The following PACRG variants were observed in gnomAD, a reference collection of about 807,000 sequenced individuals.
The protein encoded by PACRG is parkin coregulated, also known as parkin coregulated gene protein.
A neutral mutation model predicts 29.7 loss-of-function variants in PACRG; 29 were observed. The ratio of observed to expected loss-of-function variants is 0.98; its 90% CI spans 0.73 to 1.33. The LOEUF is 1.33. Ranked by LOEUF, PACRG falls within the 40% of genes most tolerant of loss-of-function variation. The pLI is 0.00. For missense variants in PACRG, 279 were observed against 316.2 expected (o/e 0.88, Z 0.89); for synonymous variants, 116 against 118.7 (o/e 0.98, Z 0.15).
At chr6:163,035,860 A>G (rs1343849951) in intron 2 of PACRG, among the ~76,000 whole-genome samples, 1 of 151,556 alleles carries the variant, frequency 6.6e-6, no homozygotes, top group Non-Finnish European at 1.5e-5. Context: ...CCGCCTGGGA[A>G]TGCAGCCCAG....
intron 4 of PACRG, chr6:163,191,806 T>C (rs1056860911): frequency 2.2e-6 from 1 of 455,634 alleles, no homozygotes; most frequent in South Asian, 1.6e-5. Context: ...TCCAGCCACC[T>C]TTTTTCTCTA....
intron 4 of PACRG, among the ~76,000 whole-genome samples, chr6:163,117,263 C>G (rs894887398): frequency 6.6e-6 from 1 of 152,200 alleles, no homozygotes; most frequent in African/African-American, 2.4e-5. Flanking sequence ...GTGCCAGCAA[C>G]AAGTACAGAA....
At chr6:162,741,910 G>A (rs1321883408) in intron 1 of PACRG, among the ~76,000 whole-genome samples, 1 of 152,102 alleles carries the variant, frequency 6.6e-6, no homozygotes, top group East Asian at 1.9e-4. Context: ...TTTTTTTGCA[G>A]TGAGAACAGT....
intron 2 of PACRG, among the ~76,000 whole-genome samples, chr6:162,953,870 A>G (rs1054699476): frequency 6.6e-6 from 1 of 152,222 alleles, no homozygotes; most frequent in African/African-American, 2.4e-5. Flanking sequence ...TGGTTTTGCA[A>G]AAAAGCAGAA....
At chr6:163,243,689 A>G (rs1782588724) in intron 4 of PACRG, among the ~76,000 whole-genome samples, 1 of 152,156 alleles carries the variant, frequency 6.6e-6, no homozygotes, top group African/African-American at 2.4e-5. Flanking sequence ...CCGCTGAAAA[A>G]CTGAAGATGC....
chr6:162,790,290 C>A (rs1784831188), intron 1 of PACRG, among the ~76,000 whole-genome samples: 1 of 152,110 alleles, frequency 6.6e-6, no homozygotes, highest in Admixed American at 6.6e-5. Context: ...TTCAGGCAGG[C>A]ATGCTCATAG....
chr6:162,922,594 G>A (rs910044040), intron 2 of PACRG, among the ~76,000 whole-genome samples: 1 of 151,558 alleles, frequency 6.6e-6, no homozygotes, highest in African/African-American at 2.4e-5. Context: ...CCAGCCTCTA[G>A]TCACCACAAT....
At chr6:163,198,607 G>T (rs546250351) in intron 4 of PACRG, among the ~76,000 whole-genome samples, 1 of 152,178 alleles carries the variant, frequency 6.6e-6, no homozygotes. Context: ...CTGTGTTCCT[G>T]TTTTGCTACA....
intron 4 of PACRG, among the ~76,000 whole-genome samples, chr6:163,102,691 C>G (rs1815166250): frequency 1.3e-5 from 2 of 152,034 alleles, no homozygotes; most frequent in Admixed American, 1.3e-4. Context: ...ACCATTTGTC[C>G]TGAAGCTACC....
At chr6:162,952,555 G>T (rs1799731230) in intron 2 of PACRG, among the ~76,000 whole-genome samples, 1 of 152,192 alleles carries the variant, frequency 6.6e-6, no homozygotes, top group Non-Finnish European at 1.5e-5. Flanking sequence ...TCAGTCTCTT[G>T]TGAGCAGCAG....
At chr6:162,788,773 T>G (rs6929788) in intron 1 of PACRG, among the ~76,000 whole-genome samples, 3,551 of 152,316 alleles carry the variant, frequency 0.023, 136 homozygotes, top group African/African-American at 0.082. Context: ...GCGGAGCATC[T>G]TTTTGTATGT....
At chr6:162,793,764 C>A (rs1785146049) in intron 1 of PACRG, among the ~76,000 whole-genome samples, 1 of 152,148 alleles carries the variant, frequency 6.6e-6, no homozygotes, top group African/African-American at 2.4e-5. Context: ...AAGACTTCTT[C>A]CTAGAAATTT....
intron 2 of PACRG, among the ~76,000 whole-genome samples, chr6:162,943,722 C>T (rs1285389088): frequency 6.6e-6 from 1 of 152,170 alleles, no homozygotes; most frequent in Non-Finnish European, 1.5e-5. Flanking sequence ...CCCTGTGCAC[C>T]ATAGGCACCT....
intron 3 of PACRG, among the ~76,000 whole-genome samples, chr6:163,063,787 A>G (rs1811295797): frequency 6.6e-6 from 1 of 152,148 alleles, no homozygotes; most frequent in Admixed American, 6.5e-5. Context: ...GAGACTCTGA[A>G]AAGGGGCTTA....
intron 3 of PACRG, among the ~76,000 whole-genome samples, chr6:163,079,425 A>G (rs1214839932): frequency 6.6e-6 from 1 of 151,840 alleles, no homozygotes; most frequent in Non-Finnish European, 1.5e-5. Flanking sequence ...AAAAAAAGAA[A>G]GAAAGAAAAA....
At chr6:163,105,796 T>A (rs1438368152) in intron 4 of PACRG, among the ~76,000 whole-genome samples, 1 of 152,144 alleles carries the variant, frequency 6.6e-6, no homozygotes, top group Non-Finnish European at 1.5e-5. Flanking sequence ...AGAAATCTCC[T>A]CCCTTAAACA....
intron 1 of PACRG, among the ~76,000 whole-genome samples, chr6:162,743,032 C>G (rs931357048): frequency 6.6e-6 from 1 of 152,114 alleles, no homozygotes; most frequent in African/African-American, 2.4e-5. Context: ...CCCACAAACA[C>G]TAGTTATCTT....
chr6:162,796,758 T>C (rs1333086349), intron 1 of PACRG, among the ~76,000 whole-genome samples: 1 of 152,038 alleles, frequency 6.6e-6, no homozygotes, highest in African/African-American at 2.4e-5. Context: ...TCTCGATTTG[T>C]GTTAGTTGTG....
chr6:163,058,757 A>G (rs2985040), intron 2 of PACRG, among the ~76,000 whole-genome samples: 133,719 of 152,176 alleles, frequency 0.88, 59,107 homozygotes, highest in East Asian at 0.99. Flanking sequence ...AAATTTAGCC[A>G]GGCGTGGTGG....
Sources: gnomAD v4.1 joint callset for allele counts (sites outside exome capture counted in the v4.1 genomes callset) on GRCh38, gnomAD v4.1.1 for gene constraint, MANE v1.5 for transcripts, NCBI Gene and HGNC (gene_info 2026-07-23, HGNC 2026-07-21) for gene names.